Variants in HERC1 observed in about 807,000 individuals in gnomAD.
HERC1 encodes HECT and RLD domain containing E3 ubiquitin protein ligase family member 1.
Under a neutral mutation model 554.3 loss-of-function variants are expected in HERC1, and 160 were observed. The observed-to-expected ratio is 0.29, with a 90% CI of 0.25 to 0.33. The LOEUF is 0.33. Among genes scored for constraint, HERC1 ranks in the 10% least tolerant of loss-of-function variants. HERC1 has a pLI of 1.00. For synonymous variants in HERC1, 2,175 were observed against 2,131.7 expected (o/e 1.02, Z -0.56); for missense variants, 4,919 against 5,918.5 (o/e 0.83, Z 5.54).
chr15:63,713,381 C>A lies in HERC1; in HGVS notation c.4435G>T (p.Ala1479Ser), dbSNP rs1292756196. ...EGQLQQPSTSASEGGGLMTRS... is the reference protein window; with the variant it reads ...EGQLQQPSTSSSEGGGLMTRS... ...GTCATAAGTCCACCCCCTTCAGAGG[C>A]ACTTGTTGAAGGTTGCTGCAACTGT... The change falls in exon 23 of 78, where the codon GCC becomes TCC. Residue 1479 changes from alanine to serine, a missense_variant. Around this residue, in one of 11 missense-constraint regions of HERC1, gnomAD observed 1,121 missense variants for 1,244.0 expected, o/e 0.90. Transcript: ENST00000443617. The A allele has an allele frequency of 1.9e-6, 3 of 1,613,948 alleles. No individual in the cohort carries two copies. Among genetic ancestry groups the A allele is most frequent in the Non-Finnish European group, 2.5e-6 (3 of 1,179,822 alleles).
chr15:63,713,045 A>T, intron 23 of HERC1, 150 bp from the exon 24 acceptor site: 1 of 810,466 alleles, frequency 1.2e-6, no homozygotes, highest in Non-Finnish European at 1.9e-6. Flanking sequence ...CTGAGCACAA[A>T]GACCTTCTCA....
chr15:63,610,075 A>C (rs140947797), intron 77 of HERC1, among the ~76,000 whole-genome samples: 5 of 152,242 alleles, frequency 3.3e-5, no homozygotes, highest in African/African-American at 1.2e-4. Flanking sequence ...TTTCTAAACA[A>C]TTTGTAATAA....
Position 63,661,959 on chromosome 15 carries a change from G to A in HERC1, c.8964C>T (p.Val2988=), listed in dbSNP as rs2229748. 447 of 1,613,922 alleles carry A rather than the reference G, an allele frequency of 2.8e-4. 1 individual carries two copies. In the African/African-American group the frequency reaches 5.1e-3, roughly 18 times the overall value. ...TCTTCATGTGCTGATTGAAGCTGAC[G>A]ACGCTGCATTCACACAGTTCACACA... ...VVVCELCECS[V]VSFNQHMKRN... The change falls in exon 45 of 78, where the codon GTC becomes GTT. Residue 2988 remains valine, a synonymous_variant. Coordinates refer to ENST00000443617, the MANE Select transcript of HERC1 (RefSeq NM_003922.4).
chr15:63,636,231 A>C (rs1339330124), intron 64 of HERC1, 89 bp from the exon 65 acceptor site: 3 of 1,134,174 alleles, frequency 2.6e-6, no homozygotes, highest in Non-Finnish European at 3.8e-6. Flanking sequence ...CTCAATCAAA[A>C]ACCACCGAAT....
chr15:63,782,935 G>A (rs888283883), intron 1 of HERC1, among the ~76,000 whole-genome samples: 6 of 152,234 alleles, frequency 3.9e-5, no homozygotes, highest in South Asian at 2.1e-4. Flanking sequence ...AGTGGAGCCC[G>A]AAGATGTGAC....
intron 8 of HERC1, among the ~76,000 whole-genome samples, chr15:63,752,187 A>G (rs2141888636): frequency 6.6e-6 from 1 of 152,328 alleles, no homozygotes; most frequent in Admixed American, 6.5e-5. Flanking sequence ...TTCTCAGTGA[A>G]TAATCAAATT....
chr15:63,781,863 G>A (rs1177461156), intron 1 of HERC1, among the ~76,000 whole-genome samples: 1 of 152,150 alleles, frequency 6.6e-6, no homozygotes, highest in Non-Finnish European at 1.5e-5. Flanking sequence ...AAGTGAAATC[G>A]CCTTTTTCCT....
In HERC1 at chr15:63,648,126, T is replaced by C. The variant is rs375114477; in HGVS notation, c.10821A>G (p.Leu3607=). ...FAVGYFDGKL[L]LGTKEPLEKG... is the part of the protein sequence containing the mutation. Reference sequence around the variant, plus strand: ...TCTCAAGTGGTTCCTTTGTTCCCAGTAACAGTTTTCCATCAAAATATCCCA... The same window carrying C: ...TCTCAAGTGGTTCCTTTGTTCCCAGCAACAGTTTTCCATCAAAATATCCCA... Residue 3607 remains leucine (L), a synonymous_variant, in exon 55 of 78, where the codon TTA becomes TTG. Transcript: ENST00000443617. 4.2e-5 allele frequency: 66 copies of C among 1,583,208 alleles called. No individual in the cohort carries two copies. In the South Asian group the frequency reaches 4.7e-4, roughly 11 times the overall value.
intron 38 of HERC1, among the ~76,000 whole-genome samples, chr15:63,674,052 A>T (rs1178081839): frequency 6.6e-6 from 1 of 152,222 alleles, no homozygotes; most frequent in African/African-American, 2.4e-5. Flanking sequence ...AGTCAGATCA[A>T]TAAATACTTT....
chr15:63,636,078 T>C lies in HERC1; in HGVS notation c.12297A>G (p.Glu4099=). 6.2e-7 allele frequency: 1 copy of C among 1,613,674 alleles called. No homozygotes were observed. Among genetic ancestry groups the C allele is most frequent in the Non-Finnish European group, 8.5e-7 (1 of 1,179,812 alleles). ...GSDGHSMALT[E]SGEVFSWGDG... Reference sequence around the variant, plus strand: ...CTCCCCAGCTAAAGACCTCACCACTTTCAGTTAGGGCCATAGAGTGCCCAT... The same window carrying C: ...CTCCCCAGCTAAAGACCTCACCACTCTCAGTTAGGGCCATAGAGTGCCCAT... The change falls in exon 65 of 78, where the codon GAA becomes GAG. Residue 4099 remains glutamate, a synonymous_variant. Transcript: ENST00000443617.
In HERC1 at chr15:63,616,459, T is replaced by C. The variant is rs370606413; in HGVS notation, c.13912A>G (p.Ser4638Gly). The C allele has an allele frequency of 6.2e-7, 1 of 1,613,888 alleles. No homozygotes were observed. The highest frequency in any genetic ancestry group is 2.2e-5 in the East Asian group (1 of 44,888). Residue 4638 changes from serine to glycine, a missense_variant, in exon 75 of 78, where the codon AGT (serine) becomes GGT (glycine). Physicochemically the swap from Ser to Gly is moderately conservative, Grantham distance 56. This residue lies in a region of HERC1 where 284 missense variants were observed against 294.1 expected (regional missense o/e 0.97). Coordinates refer to ENST00000443617, the MANE Select transcript of HERC1 (RefSeq NM_003922.4). ...TLNSILHIED[S>G]GITEESFHEM... ...TGGAAACTCTCCTCGGTAATCCCAC[T>C]GTCTTCAATGTGAAGAATGCTGTTG...
chr15:63,630,200 G>A (rs1364859335), intron 69 of HERC1, among the ~76,000 whole-genome samples: 1 of 152,160 alleles, frequency 6.6e-6, no homozygotes, highest in African/African-American at 2.4e-5. Flanking sequence ...CAGTGTATGA[G>A]GACACACACA....
At position 63,775,214 on chromosome 15, in the gene HERC1, C is replaced by G. The variant is rs563011351; in HGVS notation, c.410G>C (p.Ser137Thr). 2.6e-5 allele frequency: 42 copies of G among 1,614,024 alleles called. No individual in the cohort carries two copies. In the South Asian group the frequency reaches 4.3e-4, roughly 16 times the overall value. Residue 137 changes from serine to threonine, a missense_variant, in exon 2 of 78, where the codon AGT (serine) becomes ACT (threonine). Transcript: ENST00000443617. This position sits in a 1 kb window ranked among gnomAD's most constrained non-coding sequence, Gnocchi z 4.0. ...AGAATGGACATCTGCTGAACCAGAA[C>G]TGCTCTCCGGAGAATGCTGCTGCTG... ...VKQQQHSPES[S>T]SGSADVHSVS... is the part of the protein sequence containing the mutation.
At chr15:63,739,467 G>A (rs2141291381) in intron 12 of HERC1, among the ~76,000 whole-genome samples, 1 of 152,064 alleles carries the variant, frequency 6.6e-6, no homozygotes, top group East Asian at 2.0e-4. Context: ...AAAGTGCTGG[G>A]ATTATAGGCG....
intron 46 of HERC1, 120 bp downstream of exon 46, chr15:63,660,853 G>A (rs549978218): frequency 4.9e-4 from 284 of 578,820 alleles, no homozygotes; most frequent in Non-Finnish European, 7.6e-4. Context: ...GAAAATTTAA[G>A]TTAACATGTA....
Position 63,658,634 on chromosome 15 carries a change from C to T in HERC1, c.9509G>A (p.Arg3170His), listed in dbSNP as rs369547448. The T allele has an allele frequency of 1.1e-5, 17 of 1,613,826 alleles. No homozygotes were observed. Among genetic ancestry groups the T allele is most frequent in the East Asian group, 4.5e-5 (2 of 44,896 alleles). The stretch of plus-strand genomic sequence containing the variant: ...AGTCACTCTCCTTAAAGCCACCACA[C>T]GGTCATGAGGGTTTGCTAGGGCAGC... ...QAAALANPHD[R>H]VVALRRVTAA... Residue 3170 changes from arginine (R) to histidine (H), a missense_variant, in exon 48 of 78, where the codon CGT becomes CAT. Physicochemically the swap from Arg to His is conservative, Grantham distance 29. Coordinates refer to ENST00000443617, the MANE Select transcript of HERC1 (RefSeq NM_003922.4).
intron 34 of HERC1, among the ~76,000 whole-genome samples, chr15:63,681,019 C>T (rs1035902962): frequency 1.3e-5 from 2 of 152,048 alleles, no homozygotes; most frequent in Non-Finnish European, 2.9e-5. Context: ...TTAAAATAAG[C>T]AATTCTAACT....
intron 21 of HERC1, 147 bp from the exon 22 acceptor site, chr15:63,716,620 A>C (rs2073566467): frequency 1.6e-6 from 1 of 606,984 alleles, no homozygotes; most frequent in Non-Finnish European, 2.8e-6. Flanking sequence ...CAAAAGATAC[A>C]CTAGATAAAT....
rs2414828 is a variant in HERC1 at position 63,663,377 on chromosome 15, A to C, written c.8681-173T>G. ...TCACGTGTGTTTCCTCTCTTGCAAA[A>C]GGGGATAATAATAGCACTCATATCT... On this transcript the variant is annotated intron_variant, in intron 43 of 77. Transcript: ENST00000443617. 0.81 allele frequency among the ~76,000 whole-genome samples: 123,835 copies of C among 152,150 alleles called. 52,271 individuals carry two copies. The highest frequency in any genetic ancestry group is 0.88 in the Non-Finnish European group (59,579 of 68,024).
Sources: allele counts gnomAD v4.1 joint callset (sites outside exome capture counted in the v4.1 genomes callset), GRCh38; gene constraint gnomAD v4.1.1; regional missense constraint gnomAD v4.1.1; non-coding constraint Gnocchi (gnomAD v3.1); transcripts MANE v1.5; gene names NCBI Gene and HGNC (gene_info 2026-07-23, HGNC 2026-07-21).